Variants in NMNAT2 observed in about 807,000 individuals in gnomAD.
NMNAT2 encodes the protein nicotinamide/nicotinic acid mononucleotide adenylyltransferase 2.
A neutral mutation model predicts 41.6 loss-of-function variants in NMNAT2; 11 were observed. That is an observed-to-expected ratio of 0.26 (90% CI 0.17 to 0.44). The LOEUF (loss-of-function observed/expected upper bound fraction) is 0.44. Ranked by LOEUF, NMNAT2 falls within the 20% of genes least tolerant of loss-of-function variation. The probability of loss-of-function intolerance (pLI) is 1.00; values close to 1 mark genes in which losing one functional copy is unlikely to be tolerated. For missense variants in NMNAT2, 288 were observed against 407.7 expected (o/e 0.71, Z 2.53); for synonymous variants, 148 against 151.2 (o/e 0.98, Z 0.16).
At chr1:183,278,769 C>A (rs1282214756) in intron 7 of NMNAT2, 140 bp from the exon 8 acceptor site, 4 of 661,674 alleles carry the variant, frequency 6.0e-6, no homozygotes, top group Non-Finnish European at 1.1e-5. Flanking sequence ...GTGCCTCTGC[C>A]CCTGAGTGTG....
chr1:183,282,595 T>G (rs1661298790), intron 7 of NMNAT2, among the ~76,000 whole-genome samples: 1 of 152,244 alleles, frequency 6.6e-6, no homozygotes, highest in African/African-American at 2.4e-5. Context: ...TGAGCTCTGC[T>G]GGCCAAGGAG....
chr1:183,410,564 A>G (rs1005092829), intron 1 of NMNAT2, among the ~76,000 whole-genome samples: 18 of 152,106 alleles, frequency 1.2e-4, no homozygotes, highest in Admixed American at 3.3e-4. Flanking sequence ...ATGCTGGGTC[A>G]GATCTGAACT....
intron 7 of NMNAT2, among the ~76,000 whole-genome samples, chr1:183,280,715 T>C (rs1457634895): frequency 6.6e-6 from 1 of 150,580 alleles, no homozygotes; most frequent in Non-Finnish European, 1.5e-5. Flanking sequence ...CATTATGAGA[T>C]TTTTTTTTGG....
chr1:183,322,515 T>A (rs1200789751), intron 1 of NMNAT2, among the ~76,000 whole-genome samples: 1 of 152,058 alleles, frequency 6.6e-6, no homozygotes, highest in Non-Finnish European at 1.5e-5. Context: ...TATTCCCCAC[T>A]CCTACTCCTG....
chr1:183,356,978 C>T (rs1316840837), intron 1 of NMNAT2, among the ~76,000 whole-genome samples: 1 of 152,172 alleles, frequency 6.6e-6, no homozygotes, highest in Middle Eastern at 3.2e-3. Context: ...TTTGGTCTGG[C>T]TCTGTGCCAG....
At chr1:183,406,939 C>G (rs1648973395) in intron 1 of NMNAT2, among the ~76,000 whole-genome samples, 1 of 151,886 alleles carries the variant, frequency 6.6e-6, no homozygotes, top group East Asian at 1.9e-4. Context: ...CTGCCTCAGC[C>G]TCCTGAGTAG....
Position 183,261,149 on chromosome 1 carries a change from G to A in NMNAT2, c.753+53C>T, listed in dbSNP as rs1660647090. ...GCTCTCTCACTCCTCCAGCTGCCAG[G>A]ACTCTCAGAGAAGGGCCATAACACA... is the stretch of plus-strand genomic sequence containing the variant. On this transcript the variant is annotated intron_variant, in intron 9 of 10. Transcript: ENST00000287713. 3 of 1,601,614 alleles carry A rather than the reference G, an allele frequency of 1.9e-6. No individual in the cohort carries two copies. In the East Asian group the frequency reaches 6.7e-5, roughly 36 times the overall value.
chr1:183,397,264 C>T (rs932175619), intron 1 of NMNAT2, among the ~76,000 whole-genome samples: 1 of 152,114 alleles, frequency 6.6e-6, no homozygotes, highest in African/African-American at 2.4e-5. Context: ...TTGGGGACCT[C>T]TCCTATCCCA....
chr1:183,371,818 C>T (rs1350677025), intron 1 of NMNAT2, among the ~76,000 whole-genome samples: 4 of 152,084 alleles, frequency 2.6e-5, no homozygotes, highest in African/African-American at 9.7e-5. Context: ...CTTGCTCTGT[C>T]ACCCAGGCTG....
intron 3 of NMNAT2, 130 bp from the exon 4 acceptor site, chr1:183,290,336 G>A (rs550066213): frequency 2.0e-4 from 129 of 660,050 alleles, no homozygotes; most frequent in Non-Finnish European, 3.1e-4. Flanking sequence ...TCTTGAATCA[G>A]ATAAAACCTG....
At chr1:183,363,311 T>TA (rs1663343939) in intron 1 of NMNAT2, among the ~76,000 whole-genome samples, 1 of 152,196 alleles carries the variant, frequency 6.6e-6, no homozygotes, top group Non-Finnish European at 1.5e-5. Context: ...TTATTATCTG[T>TA]AAAAATGGAT....
chr1:183,390,744 C>T (rs78316688), intron 1 of NMNAT2, among the ~76,000 whole-genome samples: 14,325 of 152,202 alleles, frequency 0.094, 680 homozygotes, highest in Admixed American at 0.11. Context: ...CAGGCCAGAA[C>T]GGACTCCCTA....
chr1:183,328,057 C>T (rs1362554744), intron 1 of NMNAT2, among the ~76,000 whole-genome samples: 2 of 152,170 alleles, frequency 1.3e-5, no homozygotes, highest in Admixed American at 1.3e-4. Flanking sequence ...TTGTTCCCTC[C>T]AGGACTTGGG....
intron 1 of NMNAT2, among the ~76,000 whole-genome samples, chr1:183,301,242 C>A (rs1661842849): frequency 6.6e-6 from 1 of 152,220 alleles, no homozygotes; most frequent in Middle Eastern, 3.2e-3. Flanking sequence ...GAGACCAAGG[C>A]TGCAGGTCTG....
At position 183,418,170 on chromosome 1, in the gene NMNAT2, C is replaced by T. The variant is rs3738817; in HGVS notation, c.85+13G>A. The T allele has an allele frequency of 5.6e-6, 9 of 1,612,188 alleles. No homozygotes were observed. The highest frequency in any genetic ancestry group is 6.8e-6 in the Non-Finnish European group (8 of 1,178,402). ...AGCGGAAGCGGCTTCCAGAGGTGGG[C>T]GGGAGGACTCACCAAACATCTGAAT... On this transcript the variant is annotated intron_variant, in intron 1 of 10. Transcript: ENST00000287713.
At chr1:183,309,732 C>G (rs984371428) in intron 1 of NMNAT2, among the ~76,000 whole-genome samples, 3 of 152,156 alleles carry the variant, frequency 2.0e-5, no homozygotes, top group Non-Finnish European at 2.9e-5. Context: ...CACTGTCCCC[C>G]CAAGCCCAAG....
chr1:183,395,583 A>G (rs944751070), intron 1 of NMNAT2, among the ~76,000 whole-genome samples: 4 of 152,192 alleles, frequency 2.6e-5, no homozygotes, highest in Admixed American at 1.3e-4. Context: ...TGAAATTTAC[A>G]TCACTTGTCA....
At chr1:183,374,050 C>T (rs1354154103) in intron 1 of NMNAT2, among the ~76,000 whole-genome samples, 1 of 152,144 alleles carries the variant, frequency 6.6e-6, no homozygotes, top group Non-Finnish European at 1.5e-5. Context: ...GTGTTGGATA[C>T]AATAACTCAG....
intron 1 of NMNAT2, among the ~76,000 whole-genome samples, chr1:183,385,279 C>A (rs1246554948): frequency 3.3e-5 from 5 of 152,052 alleles, no homozygotes; most frequent in Non-Finnish European, 7.4e-5. Flanking sequence ...ATACGTGTGC[C>A]TGCCTGTTTA....
Sources: gnomAD v4.1 joint callset for allele counts (sites outside exome capture counted in the v4.1 genomes callset) on GRCh38, gnomAD v4.1.1 for gene constraint, MANE v1.5 for transcripts, NCBI Gene and HGNC (gene_info 2026-07-23, HGNC 2026-07-21) for gene names.